Variants in ROBO2 observed in about 807,000 individuals in gnomAD.
ROBO2 encodes roundabout guidance receptor 2.
ROBO2 carries 53 observed loss-of-function variants against 160.8 expected under a neutral mutation model. The observed-to-expected ratio is 0.33, with a 90% CI of 0.26 to 0.41. The LOEUF is 0.41. Ranked by LOEUF, ROBO2 falls within the 10% of genes least tolerant of loss-of-function variation. The pLI, the probability that ROBO2 is intolerant of heterozygous loss-of-function variation, is 1.00. For synonymous variants in ROBO2, 664 were observed against 611.7 expected (o/e 1.09, Z -1.26); for missense variants, 1,577 against 1,722.4 (o/e 0.92, Z 1.49).
intron 2 of ROBO2, among the ~76,000 whole-genome samples, chr3:76,464,481 ACTCT>A (rs566659304): frequency 5.8e-4 from 88 of 151,014 alleles, no homozygotes; most frequent in East Asian, 4.5e-3. Context: ...ACACCAAACC[ACTCT>A]CTCTCTAGGA....
intron 21 of ROBO2, among the ~76,000 whole-genome samples, chr3:77,611,267 C>T (rs926310631): frequency 2.0e-5 from 3 of 147,752 alleles, no homozygotes; most frequent in African/African-American, 7.6e-5. Flanking sequence ...CACTGCACTC[C>T]AGCCTGGGCG....
At chr3:76,460,056 A>G (rs561587912) in intron 2 of ROBO2, among the ~76,000 whole-genome samples, 1 of 152,220 alleles carries the variant, frequency 6.6e-6, no homozygotes, top group African/African-American at 2.4e-5. Context: ...ACAAAGGAAA[A>G]TGTTCTCTAA....
intron 2 of ROBO2, among the ~76,000 whole-genome samples, chr3:76,441,044 G>T (rs180819959): frequency 6.6e-6 from 1 of 151,988 alleles, no homozygotes; most frequent in East Asian, 1.9e-4. Flanking sequence ...TATTCAATGG[G>T]CTTGATAAAT....
chr3:77,024,215 G>C (rs190197591), intron 2 of ROBO2, among the ~76,000 whole-genome samples: 32 of 152,310 alleles, frequency 2.1e-4, no homozygotes, highest in Non-Finnish European at 3.8e-4. Context: ...GAACATTTCA[G>C]CATAGAACAG....
chr3:76,835,083 A>C (rs1172316266), intron 2 of ROBO2, among the ~76,000 whole-genome samples: 1 of 152,082 alleles, frequency 6.6e-6, no homozygotes, highest in African/African-American at 2.4e-5. Context: ...AGGATAAATG[A>C]ATACTCAACA....
At chr3:77,497,132 A>G (rs935903275) in intron 5 of ROBO2, among the ~76,000 whole-genome samples, 82 of 152,246 alleles carry the variant, frequency 5.4e-4, no homozygotes, top group African/African-American at 1.7e-3. Flanking sequence ...TACATTATAC[A>G]TATTAGTGCC....
At chr3:76,382,583 T>C (rs2076689944) in intron 2 of ROBO2, among the ~76,000 whole-genome samples, 1 of 152,208 alleles carries the variant, frequency 6.6e-6, no homozygotes, top group Non-Finnish European at 1.5e-5. Context: ...CGAGACTCCG[T>C]CTCAAAAACA....
At chr3:77,143,446 T>A (rs767430478) in intron 2 of ROBO2, among the ~76,000 whole-genome samples, 1 of 152,092 alleles carries the variant, frequency 6.6e-6, no homozygotes, top group Non-Finnish European at 1.5e-5. Flanking sequence ...TCCATCCACC[T>A]CAGCCTCCCA....
intron 2 of ROBO2, among the ~76,000 whole-genome samples, chr3:76,072,499 A>G (rs545391063): frequency 6.6e-5 from 10 of 152,224 alleles, no homozygotes; most frequent in East Asian, 3.9e-4. Flanking sequence ...CCTTTTCTTT[A>G]TATATACTCC....
chr3:77,636,917 C>T lies in ROBO2; in HGVS notation c.3934+1874C>T, dbSNP rs376377854. 6.0e-4 allele frequency among the ~76,000 whole-genome samples: 91 copies of T among 152,036 alleles called. 1 individual carries two copies. In the East Asian group the frequency reaches 0.012, roughly 20 times the overall value. On this transcript the variant is annotated intron_variant, in intron 24 of 25. Transcript: ENST00000461745. ...TTAAAGAATGAATTAAAATATGTAT[C>T]CTGAAGTTATATTCTAAGGATATGT...
At chr3:77,227,415 A>G (rs2151253205) in intron 2 of ROBO2, among the ~76,000 whole-genome samples, 1 of 152,334 alleles carries the variant, frequency 6.6e-6, no homozygotes, top group African/African-American at 2.4e-5. Flanking sequence ...ATGAATTTGA[A>G]CAAGATATTT....
At chr3:77,438,047 T>C (rs937203113) in intron 2 of ROBO2, among the ~76,000 whole-genome samples, 2 of 152,004 alleles carry the variant, frequency 1.3e-5, no homozygotes, top group African/African-American at 4.8e-5. Context: ...GTTTTTACTG[T>C]CTTATAATAA....
chr3:76,370,142 A>T (rs936739013), intron 2 of ROBO2, among the ~76,000 whole-genome samples: 34 of 152,082 alleles, frequency 2.2e-4, no homozygotes, highest in East Asian at 7.8e-4. Context: ...GTGTGTGTGT[A>T]TACCTACTGG....
chr3:76,879,336 GT>G (rs2073105210), intron 2 of ROBO2, among the ~76,000 whole-genome samples: 1 of 152,044 alleles, frequency 6.6e-6, no homozygotes, highest in Admixed American at 6.6e-5. Context: ...AACTTAGTAG[GT>G]CTGGGGTGTG....
In ROBO2 at chr3:76,460,130, G is replaced by A. The variant is rs370720800; in HGVS notation, c.109+522528G>A. ...TGTTCTTGTGACAGTGTTTTATAAA[G>A]AGTATTTACATTTATAAAAAAAAAC... On this transcript the variant is annotated intron_variant, in intron 2 of 26. Coordinates refer to the ROBO2 transcript ENST00000487694. 2.6e-5 allele frequency among the ~76,000 whole-genome samples: 4 copies of A among 151,734 alleles called. No individual in the cohort carries two copies. The East Asian group carries it at 5.8e-4, about 22-fold the overall frequency.
chr3:75,962,653 T>C (rs894132080), intron 2 of ROBO2, among the ~76,000 whole-genome samples: 1 of 151,944 alleles, frequency 6.6e-6, no homozygotes, highest in African/African-American at 2.4e-5. Flanking sequence ...TTCAAGTTAG[T>C]ATATTTTATG....
At position 76,272,789 on chromosome 3, in the gene ROBO2, AATATAT is replaced by A. The variant is rs1310384440; in HGVS notation, c.109+335195_109+335200del. The stretch of plus-strand genomic sequence containing the variant: ...ATATATTTATATATAAAATATATAA[AATATAT>A]ATATATAAAATATATAATATGTATT... On this transcript the variant is annotated intron_variant, in intron 2 of 26. Coordinates refer to the ROBO2 transcript ENST00000487694. Among the ~76,000 whole-genome samples, 19 of 16,220 alleles carry A rather than the reference AATATAT, an allele frequency of 1.2e-3. 1 individual carries two copies. In the South Asian group the frequency reaches 0.038, roughly 33 times the overall value. The allele number at this position is 16,220 out of a possible 152,430, so 10.6% of individuals were successfully genotyped here. A position where few individuals can be genotyped will look rare whatever the true frequency, so the allele number is the denominator to read the frequency against.
Position 77,208,879 on chromosome 3 carries a change from C to T in ROBO2, c.388+110539C>T, listed in dbSNP as rs72893208. Among the ~76,000 whole-genome samples the T allele has an allele frequency of 7.2e-3, 1,095 of 152,220 alleles. 12 individuals carry two copies. The highest frequency in any genetic ancestry group is 0.024 in the African/African-American group (1,003 of 41,548). ...TGACATTGGGCTGTGTAGGTTAAAA[C>T]CTTAGTACTTGGACTTCATTTTATC... On this transcript the variant is annotated intron_variant, in intron 2 of 25. Transcript: ENST00000461745.
At chr3:76,400,822 A>T (rs748918616) in intron 2 of ROBO2, among the ~76,000 whole-genome samples, 1 of 151,558 alleles carries the variant, frequency 6.6e-6, no homozygotes, top group Non-Finnish European at 1.5e-5. Context: ...AATGTAGACC[A>T]TTCAGTGTTC....
Sources: gnomAD v4.1 joint callset for allele counts (sites outside exome capture counted in the v4.1 genomes callset) on GRCh38, gnomAD v4.1.1 for gene constraint, MANE v1.5 for transcripts, NCBI Gene and HGNC (gene_info 2026-07-23, HGNC 2026-07-21) for gene names.